Variants in TNKS observed in about 807,000 individuals in gnomAD.
The protein encoded by TNKS is tankyrase.
In TNKS, 72 loss-of-function variants were observed where a neutral mutation model predicts 135.8. The ratio of observed to expected loss-of-function variants is 0.53; its 90% confidence interval spans 0.44 to 0.64. The LOEUF (loss-of-function observed/expected upper bound fraction) is 0.64, where lower values mean the gene tolerates loss of function less well. Ranked by LOEUF, TNKS falls within the 30% of genes least tolerant of loss-of-function variation. The pLI is 0.00. For synonymous variants in TNKS, 849 were observed against 649.3 expected, an observed-to-expected ratio of 1.31 and a Z score of -4.68; for missense variants, 1,769 against 1,674.0, an observed-to-expected ratio of 1.06 and a Z score of -0.99.
rs115239077 is a variant in TNKS, at chr8:9,649,723, A to G, written c.995-30228A>G. Among the ~76,000 whole-genome samples the G allele has an allele frequency of 4.6e-3, 701 of 151,816 alleles. 7 individuals are homozygous for G. Among genetic ancestry groups the G allele is most frequent in the African/African-American group, 0.016 (669 of 41,368 alleles). Reference sequence around the variant, plus strand: ...CTACTTATTAGTGAGAATACACGATATTTGGTTTTCCATTCCTGAGTTACT... The same window carrying G: ...CTACTTATTAGTGAGAATACACGATGTTTGGTTTTCCATTCCTGAGTTACT... On this transcript the variant is annotated intron_variant, in intron 3 of 26. Transcript: ENST00000310430.
At chr8:9,730,773 A>G (rs1461082239) in intron 13 of TNKS, 117 bp from the exon 14 acceptor site, 22 of 1,179,506 alleles carry the variant, frequency 1.9e-5, no homozygotes, top group Non-Finnish European at 2.5e-5. Context: ...TTGGAAATAA[A>G]TATTCATTAG....
chr8:9,645,798 G>A (rs931088652), intron 3 of TNKS, among the ~76,000 whole-genome samples: 1 of 152,090 alleles, frequency 6.6e-6, no homozygotes, highest in African/African-American at 2.4e-5. Context: ...TTACTTTGAT[G>A]ATTTAAACAA....
chr8:9,709,674 A>G (rs763314467), intron 9 of TNKS, among the ~76,000 whole-genome samples: 2 of 152,332 alleles, frequency 1.3e-5, no homozygotes, highest in Admixed American at 1.3e-4. Context: ...GATGCTCTCC[A>G]TGGAATATAT....
intron 3 of TNKS, among the ~76,000 whole-genome samples, chr8:9,638,256 C>T (rs4240627): frequency 0.98 from 149,062 of 152,376 alleles, 72,986 homozygotes; most frequent in East Asian, 1. Flanking sequence ...ATTACAGATA[C>T]AAGGTGCTGC....
chr8:9,651,975 A>G (rs1801163918), intron 3 of TNKS, among the ~76,000 whole-genome samples: 1 of 152,246 alleles, frequency 6.6e-6, no homozygotes, highest in East Asian at 1.9e-4. Context: ...AAAATATGCC[A>G]CAATCAATAT....
intron 20 of TNKS, among the ~76,000 whole-genome samples, chr8:9,755,561 A>G (rs185195732): frequency 1.3e-5 from 2 of 152,328 alleles, no homozygotes; most frequent in Admixed American, 1.3e-4. Context: ...TTATAAATAA[A>G]TTTGATAACC....
chr8:9,745,205 TTTTG>T (rs1285737636), intron 17 of TNKS, among the ~76,000 whole-genome samples: 1 of 152,166 alleles, frequency 6.6e-6, no homozygotes, highest in Non-Finnish European at 1.5e-5. Flanking sequence ...CTAGGTTTGG[TTTTG>T]TTTTAGGTGA....
chr8:9,761,580 A>T lies in TNKS; in HGVS notation c.3218A>T (p.Tyr1073Phe). Residue 1073 changes from tyrosine (Y) to phenylalanine (F), a missense_variant, in exon 21 of 27, where the codon TAT (tyrosine) becomes TTT (phenylalanine). Transcript: ENST00000310430. ...TTGAAAGAAATAGGCATCAATGCAT[A>T]TGGGCACCGCCACAAATTAATCAAA... ...EELKEIGINA[Y>F]GHRHKLIKGV... 4.3e-6 allele frequency: 7 copies of T among 1,610,566 alleles called. No homozygotes were observed. The highest frequency in any genetic ancestry group is 5.9e-6 in the Non-Finnish European group (7 of 1,179,182).
chr8:9,610,331 T>C (rs1002116558), intron 2 of TNKS, among the ~76,000 whole-genome samples: 23 of 151,376 alleles, frequency 1.5e-4, no homozygotes, highest in Non-Finnish European at 3.1e-4. Flanking sequence ...CGGTATAATA[T>C]ATACTGTAGC....
At chr8:9,662,469 A>G (rs1261204482) in intron 3 of TNKS, among the ~76,000 whole-genome samples, 1 of 152,178 alleles carries the variant, frequency 6.6e-6, no homozygotes, top group Non-Finnish European at 1.5e-5. Flanking sequence ...GCTGGAAACC[A>G]TCATTCTCAG....
At chr8:9,567,946 A>G (rs866616772) in intron 1 of TNKS, among the ~76,000 whole-genome samples, 45 of 152,200 alleles carry the variant, frequency 3.0e-4, no homozygotes, top group African/African-American at 9.4e-4. Flanking sequence ...TTTAAGTGAA[A>G]AAAAAGGGGG....
At chr8:9,685,192 T>G (rs1299560835) in intron 5 of TNKS, among the ~76,000 whole-genome samples, 1 of 152,052 alleles carries the variant, frequency 6.6e-6, no homozygotes, top group East Asian at 1.9e-4. Flanking sequence ...CAATCAGAAA[T>G]AAAGTAGAAT....
chr8:9,601,710 C>T (rs1799023028), intron 2 of TNKS, among the ~76,000 whole-genome samples: 2 of 152,016 alleles, frequency 1.3e-5, no homozygotes, highest in African/African-American at 2.4e-5. Context: ...GATAAAAAAG[C>T]TCTATTTGAT....
chr8:9,627,914 G>T (rs1032467559), intron 3 of TNKS, among the ~76,000 whole-genome samples: 1 of 151,998 alleles, frequency 6.6e-6, no homozygotes, highest in African/African-American at 2.4e-5. Context: ...CCATCAAAAA[G>T]AACTTATTGC....
intron 5 of TNKS, among the ~76,000 whole-genome samples, chr8:9,688,116 T>C (rs1168274249): frequency 6.6e-6 from 1 of 152,342 alleles, no homozygotes; most frequent in Non-Finnish European, 1.5e-5. Flanking sequence ...ATAACTTACA[T>C]GTTTCTATGG....
rs1033422371 is a variant in TNKS, at chr8:9,703,333, C to T, written c.1108-1330C>T. On this transcript the variant is annotated intron_variant, in intron 5 of 26. Transcript: ENST00000310430. The stretch of plus-strand genomic sequence containing the variant: ...TCAATTGTTTGTTTCTGGAATTCCA[C>T]AAGTAATATTTTCAGACTAAAATTA... Among the ~76,000 whole-genome samples, 5 of 152,146 alleles carry T rather than the reference C, an allele frequency of 3.3e-5. 1 individual carries two copies. Among genetic ancestry groups the T allele is most frequent in the Admixed American group, 2.6e-4 (4 of 15,270 alleles).
chr8:9,733,208 A>G (rs868047230), intron 14 of TNKS, 71 bp from the exon 15 acceptor site: 1 of 1,447,208 alleles, frequency 6.9e-7, no homozygotes. Context: ...GAATGGTAGG[A>G]TTTTTATTAT....
intron 2 of TNKS, among the ~76,000 whole-genome samples, chr8:9,613,064 A>G (rs1181664346): frequency 6.6e-6 from 1 of 152,186 alleles, no homozygotes; most frequent in African/African-American, 2.4e-5. Context: ...TGGCAGAGAC[A>G]GGCACACTCA....
chr8:9,644,728 A>G (rs1800851213), intron 3 of TNKS, among the ~76,000 whole-genome samples: 1 of 152,178 alleles, frequency 6.6e-6, no homozygotes, highest in African/African-American at 2.4e-5. Context: ...TAAATATGAA[A>G]TTATATACAG....
Sources: gnomAD v4.1 joint callset for allele counts (sites outside exome capture counted in the v4.1 genomes callset) on GRCh38, gnomAD v4.1.1 for gene constraint, MANE v1.5 for transcripts, NCBI Gene and HGNC (gene_info 2026-07-23, HGNC 2026-07-21) for gene names.